The following TSC22D2 variants were observed in gnomAD, a reference collection of about 807,000 sequenced individuals.
TSC22D2 encodes TSC22 domain family member 2.
A neutral mutation model predicts 50.1 loss-of-function variants in TSC22D2; 5 were observed. The ratio of observed to expected loss-of-function variants is 0.10; its 90% CI spans 0.05 to 0.21. The LOEUF is 0.21. TSC22D2 is among the 10% of genes least tolerant of loss of function. The pLI, the probability that TSC22D2 is intolerant of heterozygous loss-of-function variation, is 1.00. For missense variants in TSC22D2, 1,003 were observed against 1,015.5 expected, an observed-to-expected ratio of 0.99 and a Z score of 0.17; for synonymous variants, 501 against 450.1, an observed-to-expected ratio of 1.11 and a Z score of -1.43.
intron 1 of TSC22D2, among the ~76,000 whole-genome samples, chr3:150,444,157 G>T (rs1720805328): frequency 6.6e-6 from 1 of 151,904 alleles, no homozygotes; most frequent in African/African-American, 2.4e-5. Context: ...CCTTTATTGG[G>T]GAGAAAAAAA....
intron 1 of TSC22D2, among the ~76,000 whole-genome samples, chr3:150,417,535 C>T (rs144231835): frequency 4.6e-5 from 7 of 152,156 alleles, no homozygotes; most frequent in African/African-American, 1.7e-4. Flanking sequence ...CAGACATACC[C>T]GGGCTAAAAT....
In TSC22D2 at chr3:150,410,319, T is replaced by A. The variant is rs1017273604; in HGVS notation, c.969T>A (p.Thr323=). 6 of 1,576,650 alleles carry A rather than the reference T, an allele frequency of 3.8e-6. No homozygotes were observed. The highest frequency in any genetic ancestry group is 5.2e-6 in the Non-Finnish European group (6 of 1,160,474). ...QPQGAGPGGQ[T]LPPTNVTLAQ... The stretch of plus-strand genomic sequence containing the variant: ...AGGGAGCGGGGCCCGGGGGACAGAC[T>A]CTGCCGCCGACGAATGTAACCCTGG... Residue 323 remains threonine, a synonymous_variant, in exon 1 of 3, where the codon ACT becomes ACA. Coordinates refer to ENST00000688009, the MANE Select transcript of TSC22D2 (RefSeq NM_001303264.2).
intron 1 of TSC22D2, among the ~76,000 whole-genome samples, chr3:150,431,250 AAG>A (rs1553817041): frequency 6.7e-6 from 1 of 150,152 alleles, no homozygotes; most frequent in Admixed American, 6.6e-5. Context: ...AAAAAAAAAA[AAG>A]AGTAGATAGG....
intron 1 of TSC22D2, among the ~76,000 whole-genome samples, chr3:150,412,646 A>C (rs1279525350): frequency 2.0e-5 from 3 of 152,086 alleles, no homozygotes; most frequent in Admixed American, 1.3e-4. Flanking sequence ...TCTTCACTTG[A>C]GAACGCTTAG....
chr3:150,458,563 A>T lies in TSC22D2; in HGVS notation c.2198A>T (p.Gln733Leu), dbSNP rs140454973. 3.0e-5 allele frequency: 48 copies of T among 1,614,188 alleles called. No homozygotes were observed. Among genetic ancestry groups the T allele is most frequent in the Non-Finnish European group, 3.6e-5 (42 of 1,180,016 alleles). The part of the protein sequence containing the change: ...TQQANPGSTS[Q>L]QQAVIAQPPQ... ...CAGGCCAATCCTGGTAGCACTTCTC[A>T]ACAGCAAGCAGTGATAGCACAGCCT... The change falls in exon 3 of 3, where the codon CAA becomes CTA. Residue 733 changes from glutamine to leucine, a missense_variant. Gln to Leu is a moderately radical substitution (Grantham distance 113, BLOSUM62 -2). Transcript: ENST00000688009.
At chr3:150,434,872 AG>A (rs1720487973) in intron 1 of TSC22D2, among the ~76,000 whole-genome samples, 1 of 148,706 alleles carries the variant, frequency 6.7e-6, no homozygotes, top group Non-Finnish European at 1.5e-5. Context: ...ATATATATTT[AG>A]TTTCTGGCAT....
rs1271126632 is a variant in TSC22D2 at position 150,463,669 on chromosome 3, A to G, written c.*5033A>G. 6.6e-6 allele frequency: 1 copy of G among 152,162 alleles called. No homozygotes were observed. The highest frequency in any genetic ancestry group is 1.5e-5 in the Non-Finnish European group (1 of 68,040). 9.4% of individuals were successfully genotyped at this position (152,162 alleles called of 1,614,324 possible). On this transcript the variant is annotated 3_prime_UTR_variant, in exon 3 of 3. Transcript: ENST00000688009. ...TTGGTATGACATGCTGTGTTCATAGATGAAAATGCTAAGTGAGGCACTCTG... is the reference window on the plus strand; with the variant it reads ...TTGGTATGACATGCTGTGTTCATAGGTGAAAATGCTAAGTGAGGCACTCTG...
intron 1 of TSC22D2, among the ~76,000 whole-genome samples, chr3:150,453,982 A>C (rs986133500): frequency 4.6e-5 from 7 of 152,206 alleles, no homozygotes; most frequent in African/African-American, 1.7e-4. Flanking sequence ...CACAATTGGC[A>C]TATAATCCTT....
chr3:150,458,082 A>G (rs1472212302), intron 2 of TSC22D2, among the ~76,000 whole-genome samples: 1 of 151,750 alleles, frequency 6.6e-6, no homozygotes, highest in Non-Finnish European at 1.5e-5. Flanking sequence ...CATTTTAAGC[A>G]TGTGATTTTA....
intron 1 of TSC22D2, among the ~76,000 whole-genome samples, chr3:150,455,089 A>T (rs981220909): frequency 6.6e-6 from 1 of 152,248 alleles, no homozygotes; most frequent in Non-Finnish European, 1.5e-5. Context: ...AAATGATTTA[A>T]GTCATGACAT....
rs1719409469 is a variant in TSC22D2 at position 150,409,423 on chromosome 3, A to G, written c.73A>G (p.Ser25Gly). The change falls in exon 1 of 3, where the codon AGC (serine) becomes GGC (glycine). Residue 25 changes from serine (S) to glycine (G), a missense_variant. Physicochemically the swap from Ser to Gly is moderately conservative, Grantham distance 56. Transcript: ENST00000688009. The surrounding 1 kb of genome is among the most constrained non-coding windows in gnomAD (Gnocchi z 7.4). ...TGTCACCACGGCCCAGGTGGCCACT[A>G]GCATCACCGAGGACACCGAGAGCTT... ...TSVTTAQVAT[S>G]ITEDTESLDD... 6.2e-7 allele frequency: 1 copy of G among 1,613,286 alleles called. No individual in the cohort carries two copies. The highest frequency in any genetic ancestry group is 1.7e-5 in the Admixed American group (1 of 60,004).
In TSC22D2 at chr3:150,434,458, C is replaced by G. The variant is rs75282272; in HGVS notation, c.1959-22618C>G. 1.8e-4 allele frequency among the ~76,000 whole-genome samples: 28 copies of G among 152,234 alleles called. 1 individual carries two copies. In the East Asian group the frequency reaches 5.2e-3, roughly 28 times the overall value. On this transcript the variant is annotated intron_variant, in intron 1 of 2. Transcript: ENST00000688009. ...GTGTCCAACCCAAATATTCAGCTTT[C>G]TGTTAACAAAGCATGCAGTTCCTTA...
At chr3:150,411,901 TC>T (rs1164627973) in intron 1 of TSC22D2, among the ~76,000 whole-genome samples, 3 of 152,204 alleles carry the variant, frequency 2.0e-5, no homozygotes, top group Non-Finnish European at 4.4e-5. Flanking sequence ...CAGGGACTTC[TC>T]TAAGATACTA....
At chr3:150,412,940 A>G (rs1056752636) in intron 1 of TSC22D2, among the ~76,000 whole-genome samples, 2 of 152,108 alleles carry the variant, frequency 1.3e-5, no homozygotes, top group East Asian at 1.9e-4. Context: ...GTTCCTGTAT[A>G]CTGCCCATAT....
intron 1 of TSC22D2, among the ~76,000 whole-genome samples, chr3:150,453,028 A>AT (rs1456707092): frequency 6.6e-6 from 1 of 152,166 alleles, no homozygotes; most frequent in African/African-American, 2.4e-5. Flanking sequence ...TGTAGCAGTA[A>AT]TTGTAACACT....
chr3:150,424,646 T>C (rs1374381860), intron 1 of TSC22D2, among the ~76,000 whole-genome samples: 1 of 152,188 alleles, frequency 6.6e-6, no homozygotes, highest in East Asian at 1.9e-4. Flanking sequence ...CTGAAACTTT[T>C]AAGGTATCAG....
chr3:150,424,977 T>C (rs752210964), intron 1 of TSC22D2, among the ~76,000 whole-genome samples: 2 of 152,212 alleles, frequency 1.3e-5, no homozygotes, highest in African/African-American at 2.4e-5. Flanking sequence ...GTCTACACTT[T>C]CAGTTGGCAA....
At chr3:150,411,612 C>T (rs1476676668) in intron 1 of TSC22D2, among the ~76,000 whole-genome samples, 2 of 152,030 alleles carry the variant, frequency 1.3e-5, no homozygotes, top group Non-Finnish European at 2.9e-5. Context: ...TGTTATGCTC[C>T]CATAGAATTG....
rs1175035466 is a variant in TSC22D2, at chr3:150,460,892, A to G, written c.*2256A>G. 1.3e-5 allele frequency: 2 copies of G among 152,236 alleles called. No individual in the cohort carries two copies. The highest frequency in any genetic ancestry group is 2.9e-5 in the Non-Finnish European group (2 of 68,044). 9.4% of individuals were successfully genotyped at this position (152,236 alleles called of 1,614,324 possible). ...AAGGAAATGAATAATAAGGTTTAAA[A>G]TGGTAACAGCAGTTATTACTACTTT... is the stretch of plus-strand genomic sequence containing the variant. On this transcript the variant is annotated 3_prime_UTR_variant, in exon 3 of 3. Transcript: ENST00000688009.
Sources: gnomAD v4.1 joint callset for allele counts (sites outside exome capture counted in the v4.1 genomes callset) on GRCh38, gnomAD v4.1.1 for gene constraint, Gnocchi (gnomAD v3.1) non-coding constraint, MANE v1.5 for transcripts, NCBI Gene and HGNC (gene_info 2026-07-23, HGNC 2026-07-21) for gene names.